MCC: variants seen among roughly 807,000 people sequenced by gnomAD.
The protein encoded by MCC is colorectal mutant cancer protein.
In MCC, 90 loss-of-function variants were observed where a neutral mutation model predicts 116.2. The ratio of observed to expected loss-of-function variants is 0.77; its 90% confidence interval spans 0.65 to 0.92. MCC has a LOEUF of 0.92. Among genes scored for constraint, MCC ranks in the 40% least tolerant of loss-of-function variants. MCC has a pLI of 0.00. For missense variants in MCC, 1,516 were observed against 1,312.2 expected, an observed-to-expected ratio of 1.16 and a Z score of -2.40; for synonymous variants, 578 against 510.5, an observed-to-expected ratio of 1.13 and a Z score of -1.78.
intron 3 of MCC, among the ~76,000 whole-genome samples, chr5:113,240,802 G>C (rs1157699495): frequency 6.6e-6 from 1 of 152,162 alleles, no homozygotes; most frequent in Admixed American, 6.5e-5. Flanking sequence ...CAGAATCTGT[G>C]CTCCAGAAGG....
intron 5 of MCC, among the ~76,000 whole-genome samples, chr5:113,132,433 T>TATACACACATAC (rs1758504592): frequency 5.6e-5 from 4 of 71,922 alleles, no homozygotes; most frequent in African/African-American, 1.9e-4. Flanking sequence ...CATACATATA[T>TATACACACATAC]ATATATATAT....
At chr5:113,326,476 T>C (rs1388013847) in intron 3 of MCC, among the ~76,000 whole-genome samples, 3 of 152,202 alleles carry the variant, frequency 2.0e-5, no homozygotes, top group Non-Finnish European at 4.4e-5. Flanking sequence ...TGTCTTCATA[T>C]AGCAGAAGAG....
intron 5 of MCC, among the ~76,000 whole-genome samples, chr5:113,123,390 A>T (rs1164933877): frequency 6.6e-6 from 1 of 152,222 alleles, no homozygotes; most frequent in African/African-American, 2.4e-5. Context: ...CTTCCCAAAG[A>T]AAGTAGGTAG....
intron 6 of MCC, among the ~76,000 whole-genome samples, chr5:113,104,811 C>T (rs1756637196): frequency 6.6e-6 from 1 of 152,212 alleles, no homozygotes; most frequent in Non-Finnish European, 1.5e-5. Context: ...ATAGTCCTTG[C>T]CCTCAATGAG....
intron 1 of MCC, among the ~76,000 whole-genome samples, chr5:113,443,984 G>A (rs1012588246): frequency 8.4e-5 from 10 of 118,494 alleles, no homozygotes; most frequent in Admixed American, 3.2e-4. Context: ...CACCATGCTC[G>A]GCTAATTTGT....
chr5:113,384,523 G>A (rs1405194439), intron 2 of MCC, among the ~76,000 whole-genome samples: 1 of 152,186 alleles, frequency 6.6e-6, no homozygotes, highest in Non-Finnish European at 1.5e-5. Flanking sequence ...GGGAGGCAGA[G>A]GTTGCAGTGA....
At chr5:113,330,213 G>A (rs533999610) in intron 3 of MCC, among the ~76,000 whole-genome samples, 1 of 152,280 alleles carries the variant, frequency 6.6e-6, no homozygotes, top group East Asian at 1.9e-4. Context: ...AAATGCTGCC[G>A]CCCATGTAAT....
chr5:113,417,846 T>G (rs1462764367), intron 1 of MCC, among the ~76,000 whole-genome samples: 1 of 151,832 alleles, frequency 6.6e-6, no homozygotes, highest in Non-Finnish European at 1.5e-5. Flanking sequence ...GGAGGATCAC[T>G]CACTTGAGTC....
intron 3 of MCC, among the ~76,000 whole-genome samples, chr5:113,262,924 G>A (rs1050537217): frequency 2.6e-5 from 4 of 151,964 alleles, no homozygotes; most frequent in African/African-American, 9.7e-5. Flanking sequence ...AGGTTTCAAC[G>A]TGTTGAAAAG....
chr5:113,448,018 G>A (rs1313921078), intron 1 of MCC: 1 of 152,248 alleles, frequency 6.6e-6, no homozygotes, highest in African/African-American at 2.4e-5. Context: ...AAAGGGAATA[G>A]GAGAAGGGAA....
chr5:113,126,366 G>C (rs989156730), intron 5 of MCC, among the ~76,000 whole-genome samples: 1 of 152,112 alleles, frequency 6.6e-6, no homozygotes, highest in Non-Finnish European at 1.5e-5. Context: ...ATGGGGCTTC[G>C]AGAGGCAACT....
chr5:113,275,962 CTTG>C (rs1374182073), intron 3 of MCC, among the ~76,000 whole-genome samples: 31 of 145,060 alleles, frequency 2.1e-4, no homozygotes, highest in Admixed American at 1.7e-3. Flanking sequence ...ATTGATTTCA[CTTG>C]TTTTGTTTTT....
chr5:113,446,176 C>T (rs1379602589), intron 1 of MCC, among the ~76,000 whole-genome samples: 1 of 152,114 alleles, frequency 6.6e-6, no homozygotes, highest in Non-Finnish European at 1.5e-5. Flanking sequence ...CAACACCATT[C>T]TGAACAATGA....
rs769141588 is a variant in MCC at position 113,071,201 on chromosome 5, G to T, written c.1818C>A (p.Leu606=). 14 of 1,614,146 alleles carry T rather than the reference G, an allele frequency of 8.7e-6. No homozygotes were observed. The East Asian group carries it at 3.1e-4, about 36-fold the overall frequency. The change falls in exon 12 of 19, where the codon CTC becomes CTA. Residue 606 remains leucine (L), a synonymous_variant. Coordinates refer to ENST00000408903, the MANE Select transcript of MCC (RefSeq NM_001085377.2). Reference sequence around the variant, plus strand: ...TACATTCCTCCAAGGTTATGGTCAGGAGGTCATTTTGGGATTTGAGGTGCT... The same window carrying T: ...TACATTCCTCCAAGGTTATGGTCAGTAGGTCATTTTGGGATTTGAGGTGCT... ...RIEHLKSQND[L]LTITLEECKS...
At chr5:113,461,303 T>G (rs1049874335) in intron 1 of MCC, among the ~76,000 whole-genome samples, 1 of 152,124 alleles carries the variant, frequency 6.6e-6, no homozygotes, top group African/African-American at 2.4e-5. Flanking sequence ...AATAACTCAT[T>G]TACTCCTAAG....
rs189605010 is a variant in MCC at position 113,162,025 on chromosome 5, G to C, written c.628-10603C>G. ...GTACATCTAATCCAAAGCACCAGGA[G>C]AGGAGGAGACACATTTCAAATCTGC... is the stretch of plus-strand genomic sequence containing the variant. On this transcript the variant is annotated intron_variant, in intron 3 of 18. Coordinates refer to ENST00000408903, the MANE Select transcript of MCC (RefSeq NM_001085377.2). Among the ~76,000 whole-genome samples, 234 of 150,936 alleles carry C rather than the reference G, an allele frequency of 1.6e-3. 5 individuals are homozygous for C. In the East Asian group the frequency reaches 0.041, roughly 27 times the overall value.
At chr5:113,411,105 C>A (rs1440238316) in intron 1 of MCC, among the ~76,000 whole-genome samples, 2 of 152,132 alleles carry the variant, frequency 1.3e-5, no homozygotes, top group African/African-American at 4.8e-5. Context: ...GATTTATCAT[C>A]CTTTCGGTAT....
intron 6 of MCC, among the ~76,000 whole-genome samples, chr5:113,116,842 G>GT (rs1181766535): frequency 6.6e-6 from 1 of 152,220 alleles, no homozygotes; most frequent in East Asian, 1.9e-4. Context: ...AAAACACACA[G>GT]TCACCCCAGA....
At chr5:113,103,922 C>G (rs1756577721) in intron 7 of MCC, among the ~76,000 whole-genome samples, 1 of 152,192 alleles carries the variant, frequency 6.6e-6, no homozygotes, top group South Asian at 2.1e-4. Context: ...TGGTTCAATA[C>G]TAGCAGTCGA....
Sources: allele counts gnomAD v4.1 joint callset (sites outside exome capture counted in the v4.1 genomes callset), GRCh38; gene constraint gnomAD v4.1.1; transcripts MANE v1.5; gene names NCBI Gene and HGNC (gene_info 2026-07-23, HGNC 2026-07-21).